CTXND1: variants seen among roughly 807,000 people sequenced by gnomAD.
The protein encoded by CTXND1 is cortexin domain-containing 1 protein.
At chr15:80,249,178 C>A (rs191408050) in intron 1 of CTXND1, among the ~76,000 whole-genome samples, 57 of 152,258 alleles carry the variant, frequency 3.7e-4, no homozygotes, top group African/African-American at 1.3e-3. Context: ...GTCTCAAACT[C>A]CTGGCTTCAA....
chr15:80,236,189 T>G (rs1449705855), intron 1 of CTXND1, among the ~76,000 whole-genome samples: 1 of 151,968 alleles, frequency 6.6e-6, no homozygotes, highest in African/African-American at 2.4e-5. Flanking sequence ...TTTTACTTCC[T>G]TTCAAGGTTG....
At chr15:80,245,691 C>T (rs768293871) in intron 1 of CTXND1, among the ~76,000 whole-genome samples, 8 of 152,228 alleles carry the variant, frequency 5.3e-5, no homozygotes, top group South Asian at 2.1e-4. Flanking sequence ...AACTTGTGGA[C>T]GTATTTTAAA....
chr15:80,234,597 C>A, intron 1 of CTXND1, among the ~76,000 whole-genome samples: 1 of 151,974 alleles, frequency 6.6e-6, no homozygotes, highest in East Asian at 1.9e-4. Context: ...CCTGCCTCAG[C>A]CTCCTGAGTA....
chr15:80,223,441 G>A (rs1308291266), intron 1 of CTXND1, among the ~76,000 whole-genome samples: 3 of 152,160 alleles, frequency 2.0e-5, no homozygotes, highest in Non-Finnish European at 4.4e-5. Context: ...ACGATATCAC[G>A]ATTTATTCAC....
chr15:80,247,976 C>T (rs935095139), intron 1 of CTXND1, among the ~76,000 whole-genome samples: 1 of 152,222 alleles, frequency 6.6e-6, no homozygotes, highest in Non-Finnish European at 1.5e-5. Flanking sequence ...AAAAGTGCAC[C>T]CCTCTGAAAC....
intron 1 of CTXND1, among the ~76,000 whole-genome samples, chr15:80,212,920 G>A (rs1209642254): frequency 6.6e-6 from 1 of 152,248 alleles, no homozygotes; most frequent in Non-Finnish European, 1.5e-5. Context: ...GGCCAAGAGG[G>A]CAGAGCTGTG....
intron 1 of CTXND1, among the ~76,000 whole-genome samples, chr15:80,222,843 T>C (rs1366080121): frequency 1.3e-5 from 2 of 152,300 alleles, no homozygotes; most frequent in Middle Eastern, 3.4e-3. Context: ...TACAATGGAT[T>C]CACATATGAC....
intron 1 of CTXND1, among the ~76,000 whole-genome samples, chr15:80,208,441 A>G (rs1893172947): frequency 6.6e-6 from 1 of 152,240 alleles, no homozygotes; most frequent in African/African-American, 2.4e-5. Context: ...TCACTGCTAG[A>G]TCAAGACCTG....
At chr15:80,243,574 A>G (rs149875444) in intron 1 of CTXND1, among the ~76,000 whole-genome samples, 3 of 152,272 alleles carry the variant, frequency 2.0e-5, no homozygotes, top group Non-Finnish European at 4.4e-5. Flanking sequence ...AGGTAGCAAC[A>G]CACTAAGAGA....
intron 1 of CTXND1, among the ~76,000 whole-genome samples, chr15:80,217,287 A>G (rs1467619633): frequency 2.0e-5 from 3 of 152,206 alleles, no homozygotes; most frequent in Admixed American, 1.3e-4. Flanking sequence ...ACAAATAGAT[A>G]TCTTAATATA....
intron 2 of CTXND1, 113 bp from the exon 3 acceptor site, chr15:80,202,127 G>A (rs2041453246): frequency 7.7e-6 from 3 of 392,040 alleles, no homozygotes; most frequent in Admixed American, 4.4e-5. Flanking sequence ...CCGAGAGCTT[G>A]CTGCTCAGAC....
intron 1 of CTXND1, among the ~76,000 whole-genome samples, chr15:80,207,068 C>T (rs74027265): frequency 0.023 from 3,508 of 152,254 alleles, 102 homozygotes; most frequent in African/African-American, 0.069. Flanking sequence ...TGGTTTTCAG[C>T]AGTTTTCCTG....
intron 1 of CTXND1, among the ~76,000 whole-genome samples, chr15:80,244,388 C>T (rs72740100): frequency 0.14 from 20,734 of 152,228 alleles, 1,785 homozygotes; most frequent in Non-Finnish European, 0.19. Context: ...AATTGAACCA[C>T]GAGGAGGCAC....
intron 1 of CTXND1, among the ~76,000 whole-genome samples, chr15:80,232,191 C>A (rs1893439211): frequency 6.6e-6 from 1 of 152,074 alleles, no homozygotes; most frequent in African/African-American, 2.4e-5. Context: ...GTGAACCAGG[C>A]AGTGAGGATG....
chr15:80,244,039 C>T (rs566339232), intron 1 of CTXND1, among the ~76,000 whole-genome samples: 67 of 152,356 alleles, frequency 4.4e-4, no homozygotes, highest in Admixed American at 7.2e-4. Flanking sequence ...CCCATCTCCT[C>T]CATCTCCTGC....
chr15:80,202,940 A>ACATC (rs1359678984), intron 2 of CTXND1, among the ~76,000 whole-genome samples: 1 of 152,214 alleles, frequency 6.6e-6, no homozygotes, highest in Non-Finnish European at 1.5e-5. Flanking sequence ...CTACACTGAC[A>ACATC]CATCACTCAT....
chr15:80,239,274 T>A (rs574211519), intron 1 of CTXND1, among the ~76,000 whole-genome samples: 32 of 152,236 alleles, frequency 2.1e-4, no homozygotes, highest in Non-Finnish European at 4.3e-4. Context: ...CTATGCCCTC[T>A]GGTTACCACC....
intron 1 of CTXND1, among the ~76,000 whole-genome samples, chr15:80,215,952 C>T (rs1268219341): frequency 6.6e-6 from 1 of 152,150 alleles, no homozygotes; most frequent in Non-Finnish European, 1.5e-5. Context: ...CTGGGGGCCT[C>T]ATACAAATGT....
At chr15:80,202,626 A>G (rs1163970397) in intron 2 of CTXND1, among the ~76,000 whole-genome samples, 1 of 152,140 alleles carries the variant, frequency 6.6e-6, no homozygotes. Flanking sequence ...TCATGTTTTG[A>G]AAGCATAAGA....
Sources: gnomAD v4.1 joint callset for allele counts (sites outside exome capture counted in the v4.1 genomes callset) on GRCh38, gnomAD v4.1.1 for gene constraint, MANE v1.5 for transcripts, NCBI Gene and HGNC (gene_info 2026-07-23, HGNC 2026-07-21) for gene names.